Variants in ANO1 observed in about 807,000 individuals in gnomAD.
The protein encoded by ANO1 is anoctamin 1, also known as anoctamin-1.
ANO1 carries 59 observed loss-of-function variants against 124.0 expected under a neutral mutation model. That is an observed-to-expected ratio of 0.48 (90% CI 0.39 to 0.59). The LOEUF is 0.59. Among genes scored for constraint, ANO1 ranks in the 20% least tolerant of loss-of-function variants. The probability of loss-of-function intolerance (pLI) is 0.00; values close to 1 mark genes in which losing one functional copy is unlikely to be tolerated. For synonymous variants in ANO1, 529 were observed against 532.0 expected (o/e 0.99, Z 0.08); for missense variants, 1,059 against 1,328.0 (o/e 0.80, Z 3.15).
At chr11:70,151,569 A>G (rs549024688) in intron 12 of ANO1, among the ~76,000 whole-genome samples, 11 of 152,268 alleles carry the variant, frequency 7.2e-5, no homozygotes, top group Non-Finnish European at 5.9e-5. Flanking sequence ...CCCTTTGTTC[A>G]ACCCCTTGGG....
chr11:70,043,186 A>G (rs1857208303), intron 1 of ANO1, among the ~76,000 whole-genome samples: 1 of 152,214 alleles, frequency 6.6e-6, no homozygotes, highest in South Asian at 2.1e-4. Context: ...TGGAACTCCT[A>G]TGGTTGAAAA....
chr11:70,023,574 C>T (rs1555002861), intron 1 of ANO1, among the ~76,000 whole-genome samples: 1 of 152,226 alleles, frequency 6.6e-6, no homozygotes, highest in South Asian at 2.1e-4. Flanking sequence ...GGTCTAGTCG[C>T]TGCCAACATC....
chr11:70,062,741 G>T (rs1220691685), intron 1 of ANO1, among the ~76,000 whole-genome samples: 5 of 152,096 alleles, frequency 3.3e-5, no homozygotes, highest in Non-Finnish European at 5.9e-5. Context: ...GGCCCACTAG[G>T]GACTGTTGAA....
At position 70,052,719 on chromosome 11, in the gene ANO1, AT is replaced by A. The variant is rs1156604828; in HGVS notation, c.59-25816del. On this transcript the variant is annotated intron_variant, in intron 1 of 27. Transcript: ENST00000531349. Reference sequence around the variant, plus strand: ...AGGCAGCTGCCACCACACCCAGCCAATTTTTTTGTATTTTTAGTAGAGACAG... The same window carrying A: ...AGGCAGCTGCCACCACACCCAGCCAATTTTTTGTATTTTTAGTAGAGACAG... 2.0e-5 allele frequency among the ~76,000 whole-genome samples: 3 copies of A among 151,112 alleles called. No individual in the cohort carries two copies. In the South Asian group the frequency reaches 6.3e-4, roughly 32 times the overall value.
intron 2 of ANO1, among the ~76,000 whole-genome samples, chr11:70,101,394 A>G (rs576761133): frequency 2.0e-4 from 30 of 151,854 alleles, no homozygotes; most frequent in Non-Finnish European, 3.8e-4. Flanking sequence ...CGTCTCTACT[A>G]AAAATACAGA....
At chr11:70,108,903 C>G (rs1159255203) in intron 6 of ANO1, among the ~76,000 whole-genome samples, 2 of 152,356 alleles carry the variant, frequency 1.3e-5, no homozygotes, top group Middle Eastern at 3.4e-3. Flanking sequence ...CCATCCTGAC[C>G]AGGCTTTCTG....
In ANO1 at chr11:70,189,426, AC is replaced by A. The variant is rs1203537681; in HGVS notation, c.*1424del. 6.5e-6 allele frequency: 1 copy of A among 152,694 alleles called. No individual in the cohort carries two copies. Among genetic ancestry groups the A allele is most frequent in the Non-Finnish European group, 1.5e-5 (1 of 68,042 alleles). 9.5% of individuals were successfully genotyped at this position (152,694 alleles called of 1,614,324 possible). On this transcript the variant is annotated 3_prime_UTR_variant, in exon 26 of 26. Coordinates refer to ENST00000355303, the MANE Select transcript of ANO1 (RefSeq NM_018043.7). ...ATACTGTATTAAAAATTAGGCAATT[AC>A]CAAAAATCCTTTTATGGAAACCATT... is the stretch of plus-strand genomic sequence containing the variant.
At chr11:69,975,448 G>A in the ANO1 span, among the ~76,000 whole-genome samples, 1 of 152,236 alleles carries the variant, frequency 6.6e-6, no homozygotes, top group Admixed American at 6.5e-5. Flanking sequence ...TGAAGCGGGG[G>A]ATGAGGGAGC....
intron 11 of ANO1, among the ~76,000 whole-genome samples, chr11:70,136,284 G>A (rs1429482299): frequency 6.6e-6 from 1 of 152,172 alleles, no homozygotes; most frequent in African/African-American, 2.4e-5. Flanking sequence ...GTCCCCTGTG[G>A]TTCTCAAACT....
intron 1 of ANO1, among the ~76,000 whole-genome samples, chr11:70,024,075 G>C (rs1007323135): frequency 1.3e-5 from 2 of 152,206 alleles, no homozygotes; most frequent in African/African-American, 2.4e-5. Flanking sequence ...GCTGTTCTTT[G>C]GGTTGGGTCC....
At chr11:70,154,317 T>C (rs1237762117) in intron 14 of ANO1, among the ~76,000 whole-genome samples, 1 of 152,066 alleles carries the variant, frequency 6.6e-6, no homozygotes, top group African/African-American at 2.4e-5. Flanking sequence ...AGGTCCAAAG[T>C]GGCCGGGGGT....
At chr11:70,081,724 T>G (rs2044207459) in intron 1 of ANO1, among the ~76,000 whole-genome samples, 1 of 152,112 alleles carries the variant, frequency 6.6e-6, no homozygotes, top group Non-Finnish European at 1.5e-5. Context: ...TTAAAGGACA[T>G]AGGATTGCTT....
intron 1 of ANO1, among the ~76,000 whole-genome samples, chr11:69,990,531 A>G (rs933010793): frequency 2.6e-5 from 4 of 152,204 alleles, no homozygotes; most frequent in African/African-American, 7.2e-5. Context: ...GCTGGATCAC[A>G]TAGTTTTATC....
chr11:70,016,020 CTTTCTTTTTTTT>C (rs1383468607), intron 1 of ANO1, among the ~76,000 whole-genome samples: 2 of 122,462 alleles, frequency 1.6e-5, no homozygotes, highest in Non-Finnish European at 3.5e-5. Context: ...CTTTTCCTTT[CTTTCTTTTTTTT>C]TTTCTTTTTT....
chr11:70,014,598 T>C (rs1555001634), intron 1 of ANO1, among the ~76,000 whole-genome samples: 1 of 152,092 alleles, frequency 6.6e-6, no homozygotes, highest in African/African-American at 2.4e-5. Flanking sequence ...AGTGCTGCTC[T>C]ATCTGGTGGT....
chr11:70,181,260 G>A (rs940193489), intron 23 of ANO1, among the ~76,000 whole-genome samples: 1 of 152,176 alleles, frequency 6.6e-6, no homozygotes, highest in Non-Finnish European at 1.5e-5. Context: ...GACGGTCGAC[G>A]CCCCTGCAGG....
At chr11:70,029,634 G>A (rs1388282022) in intron 1 of ANO1, among the ~76,000 whole-genome samples, 3 of 152,252 alleles carry the variant, frequency 2.0e-5, no homozygotes, top group Non-Finnish European at 2.9e-5. Flanking sequence ...GGGACAGTGT[G>A]TGTCCCGCTT....
At chr11:69,971,000 G>A in the ANO1 span, among the ~76,000 whole-genome samples, 1 of 152,252 alleles carries the variant, frequency 6.6e-6, no homozygotes, top group Non-Finnish European at 1.5e-5. Flanking sequence ...ACACCTGGCT[G>A]CAGAGAACAG....
chr11:70,005,343 C>A (rs1554999897), intron 1 of ANO1, among the ~76,000 whole-genome samples: 3 of 152,184 alleles, frequency 2.0e-5, no homozygotes, highest in Admixed American at 1.3e-4. Flanking sequence ...ACAGCCCAAA[C>A]TGATATATCA....
Sources: gnomAD v4.1 joint callset for allele counts (sites outside exome capture counted in the v4.1 genomes callset) on GRCh38, gnomAD v4.1.1 for gene constraint, MANE v1.5 for transcripts, NCBI Gene and HGNC (gene_info 2026-07-23, HGNC 2026-07-21) for gene names.